UBE2F: variants seen among roughly 807,000 people sequenced by gnomAD.
UBE2F encodes the protein ubiquitin conjugating enzyme E2 F (putative).
UBE2F carries 5 observed loss-of-function variants against 29.6 expected under a neutral mutation model. The observed-to-expected ratio is 0.17, with a 90% confidence interval of 0.09 to 0.36. UBE2F has a LOEUF of 0.36. Ranked by LOEUF, UBE2F falls within the 10% of genes least tolerant of loss-of-function variation. The probability of loss-of-function intolerance (pLI) is 1.00; values close to 1 mark genes in which losing one functional copy is unlikely to be tolerated. For synonymous variants in UBE2F, 66 were observed against 81.8 expected, an observed-to-expected ratio of 0.81 and a Z score of 1.04; for missense variants, 141 against 228.5, an observed-to-expected ratio of 0.62 and a Z score of 2.47.
chr2:237,994,935 A>C, intron 4 of UBE2F, 126 bp downstream of exon 4: 2 of 703,170 alleles, frequency 2.8e-6, no homozygotes, highest in Non-Finnish European at 4.9e-6. Context: ...TAACAATTTC[A>C]TATGAAGATA....
In UBE2F at chr2:237,967,180, G is replaced by C. The variant is rs2063072371; in HGVS notation, c.-17+48G>C. ...TGCGGCGGGGCGAGGTGCGGCCGCC[G>C]GTGCACGGGCTGGCCTGCGGGCCGG... On this transcript the variant is annotated intron_variant, in intron 1 of 9. Transcript: ENST00000272930. The surrounding 1 kb of genome is among the most constrained non-coding windows in gnomAD (Gnocchi z 6.3). The C allele has an allele frequency of 8.8e-7, 1 of 1,131,848 alleles. No individual in the cohort carries two copies. The highest frequency in any genetic ancestry group is 1.1e-6 in the Non-Finnish European group (1 of 923,460). 70.1% of individuals were successfully genotyped at this position (1,131,848 alleles called of 1,614,324 possible).
intron 9 of UBE2F, among the ~76,000 whole-genome samples, chr2:238,041,044 C>G (rs968806345): frequency 6.6e-6 from 1 of 152,128 alleles, no homozygotes; most frequent in Non-Finnish European, 1.5e-5. Context: ...CCTTAGGGTC[C>G]CTTCCACTCA....
intron 5 of UBE2F, among the ~76,000 whole-genome samples, chr2:238,019,741 C>T (rs1463519621): frequency 6.6e-6 from 1 of 150,794 alleles, no homozygotes; most frequent in Non-Finnish European, 1.5e-5. Flanking sequence ...CTCACCGCAA[C>T]CTCTGCCACC....
At chr2:238,032,474 G>T in intron 8 of UBE2F, 1 of 505,026 alleles carries the variant, frequency 2.0e-6, no homozygotes, top group Non-Finnish European at 3.6e-6. Flanking sequence ...AATTAGTTGG[G>T]CATAGTGGCA....
chr2:237,984,793 T>C (rs2063445619), intron 2 of UBE2F, among the ~76,000 whole-genome samples: 1 of 152,186 alleles, frequency 6.6e-6, no homozygotes, highest in Non-Finnish European at 1.5e-5. Context: ...TTGTTTTGTT[T>C]TTTTGAGACA....
intron 2 of UBE2F, among the ~76,000 whole-genome samples, chr2:237,978,426 C>T (rs572616453): frequency 1.3e-5 from 2 of 152,300 alleles, no homozygotes; most frequent in East Asian, 3.9e-4. Context: ...ACAACAGAGG[C>T]CCCTTCTTTT....
rs1385311627 is a variant in UBE2F, at chr2:238,025,442, A to G, written c.353+30A>G. Reference sequence around the variant, plus strand: ...GTTTATTGTCTTTTCTTTCTTCTACATTCGTGAGTGTCATGTGCAAGCGTT... The same window carrying G: ...GTTTATTGTCTTTTCTTTCTTCTACGTTCGTGAGTGTCATGTGCAAGCGTT... On this transcript the variant is annotated intron_variant, in intron 6 of 9. Transcript: ENST00000272930. The G allele has an allele frequency of 3.8e-6, 6 of 1,582,512 alleles. No homozygotes were observed. The African/African-American group carries it at 5.4e-5, about 14-fold the overall frequency.
At chr2:238,011,695 A>G (rs1020809772) in intron 4 of UBE2F, among the ~76,000 whole-genome samples, 2 of 152,204 alleles carry the variant, frequency 1.3e-5, no homozygotes, top group Non-Finnish European at 2.9e-5. Context: ...GTGAATGAAT[A>G]TTATTTTATG....
chr2:238,032,999 A>G (rs2064620591), intron 8 of UBE2F, among the ~76,000 whole-genome samples: 1 of 152,140 alleles, frequency 6.6e-6, no homozygotes, highest in South Asian at 2.1e-4. Flanking sequence ...CACTTCCCTT[A>G]GCCCCTTCCA....
chr2:238,010,927 T>C (rs2064009093), intron 4 of UBE2F, among the ~76,000 whole-genome samples: 1 of 152,014 alleles, frequency 6.6e-6, no homozygotes, highest in East Asian at 1.9e-4. Flanking sequence ...CATTGCAAGG[T>C]CAAAGATCTT....
At position 238,041,447 on chromosome 2, in the gene UBE2F, G is replaced by C; in HGVS notation, c.*109G>C. ...CCTCATGCTCCCTCTCAGTCCCCTG[G>C]ATTGCCCCAGTCCTGTGACCATGTT... On this transcript the variant is annotated 3_prime_UTR_variant, in exon 10 of 10. Transcript: ENST00000272930. 1 of 1,093,900 alleles carries C rather than the reference G, an allele frequency of 9.1e-7. No individual in the cohort carries two copies. Among genetic ancestry groups the C allele is most frequent in the Non-Finnish European group, 1.4e-6 (1 of 723,098 alleles). The allele number at this position is 1,093,900 out of a possible 1,614,324, so 67.8% of individuals were successfully genotyped here.
intron 4 of UBE2F, among the ~76,000 whole-genome samples, chr2:238,012,589 T>A (rs763757169): frequency 3.3e-5 from 5 of 152,208 alleles, no homozygotes; most frequent in Non-Finnish European, 5.9e-5. Context: ...ATTCAGCCCA[T>A]TCAGTTTATC....
chr2:238,004,594 G>C (rs2106367236), intron 4 of UBE2F, among the ~76,000 whole-genome samples: 1 of 152,226 alleles, frequency 6.6e-6, no homozygotes, highest in East Asian at 1.9e-4. Flanking sequence ...TTGTGGTAAT[G>C]TGGTTGGCAG....
intron 3 of UBE2F, among the ~76,000 whole-genome samples, chr2:237,993,038 A>G (rs1363164345): frequency 6.7e-6 from 1 of 150,244 alleles, no homozygotes. Context: ...CCCAGGCTGG[A>G]GGGCAGTGGC....
At chr2:237,972,628 G>A (rs1013791736) in intron 1 of UBE2F, among the ~76,000 whole-genome samples, 5 of 144,374 alleles carry the variant, frequency 3.5e-5, no homozygotes, top group African/African-American at 1.0e-4. Flanking sequence ...ACGGCTCACG[G>A]TATCCCCAAT....
intron 3 of UBE2F, among the ~76,000 whole-genome samples, chr2:237,991,912 C>T (rs2063599201): frequency 6.7e-6 from 1 of 150,186 alleles, no homozygotes; most frequent in Non-Finnish European, 1.5e-5. Context: ...TTCACCCAGG[C>T]TGAAGTGAAG....
At chr2:238,004,268 A>AT (rs2063856981) in intron 4 of UBE2F, among the ~76,000 whole-genome samples, 1 of 152,212 alleles carries the variant, frequency 6.6e-6, no homozygotes, top group South Asian at 2.1e-4. Context: ...TTTCACCAGC[A>AT]TTTAGTTGAA....
chr2:238,031,107 T>C (rs1389245917), intron 7 of UBE2F, among the ~76,000 whole-genome samples: 1 of 152,246 alleles, frequency 6.6e-6, no homozygotes, highest in Non-Finnish European at 1.5e-5. Context: ...AAGGGAACAC[T>C]GCAGACTGCA....
chr2:238,040,740 T>C lies in UBE2F; in HGVS notation c.508-548T>C, dbSNP rs2064820787. On this transcript the variant is annotated intron_variant, in intron 9 of 9. Coordinates refer to ENST00000272930, the MANE Select transcript of UBE2F (RefSeq NM_080678.3). This position sits in a 1 kb window ranked among gnomAD's most constrained non-coding sequence, Gnocchi z 4.4. Reference sequence around the variant, plus strand: ...TGGTCACTGTCCACCTTCATTTCAATGCATGAGGATGGAGCTCTGTGGCAC... The same window carrying C: ...TGGTCACTGTCCACCTTCATTTCAACGCATGAGGATGGAGCTCTGTGGCAC... Among the ~76,000 whole-genome samples, 1 of 152,086 alleles carries C rather than the reference T, an allele frequency of 6.6e-6. No homozygotes were observed. The highest frequency in any genetic ancestry group is 1.5e-5 in the Non-Finnish European group (1 of 68,008).
Sources: gnomAD v4.1 joint callset for allele counts (sites outside exome capture counted in the v4.1 genomes callset) on GRCh38, gnomAD v4.1.1 for gene constraint, Gnocchi (gnomAD v3.1) non-coding constraint, MANE v1.5 for transcripts, NCBI Gene and HGNC (gene_info 2026-07-23, HGNC 2026-07-21) for gene names.